The following TAOK3 variants were observed in gnomAD, a reference collection of about 807,000 sequenced individuals.
TAOK3 encodes the protein serine/threonine-protein kinase TAO3.
A neutral mutation model predicts 120.4 loss-of-function variants in TAOK3; 40 were observed. The observed-to-expected ratio is 0.33, with a 90% CI of 0.26 to 0.43. TAOK3 has a LOEUF of 0.43. TAOK3 is among the 20% of genes least tolerant of loss of function. TAOK3 has a pLI of 1.00. For synonymous variants in TAOK3, 355 were observed against 387.5 expected (o/e 0.92, Z 0.99); for missense variants, 821 against 1,112.1 (o/e 0.74, Z 3.72).
intron 1 of TAOK3, among the ~76,000 whole-genome samples, chr12:118,370,857 A>T (rs192622424): frequency 3.9e-5 from 6 of 152,310 alleles, no homozygotes; most frequent in Admixed American, 1.3e-4. Context: ...CCACCAGGAC[A>T]CACAGTGTCT....
intron 1 of TAOK3, chr12:118,283,497 T>A (rs1323140751): frequency 6.6e-6 from 1 of 152,660 alleles, no homozygotes; most frequent in Non-Finnish European, 1.5e-5. Context: ...TTTGGGAGGC[T>A]GAGGTGGGCG....
rs114374955 is a variant in TAOK3, at chr12:118,182,375, C to T, written c.1330-768G>A. ...GCACCAAGATTTCTCACCAACACTA[C>T]TGACAACGAGCCCGATAATTATCTG... On this transcript the variant is annotated intron_variant, in intron 14 of 20. Transcript: ENST00000392533. Among the ~76,000 whole-genome samples, 512 of 151,978 alleles carry T rather than the reference C, an allele frequency of 3.4e-3. 1 individual carries two copies. Among genetic ancestry groups the T allele is most frequent in the African/African-American group, 0.012 (491 of 41,422 alleles).
chr12:118,186,549 A>G (rs1027067784), intron 14 of TAOK3, among the ~76,000 whole-genome samples: 1 of 152,172 alleles, frequency 6.6e-6, no homozygotes, highest in Non-Finnish European at 1.5e-5. Flanking sequence ...AAGGCCCAAG[A>G]AGTCAGATTA....
intron 5 of TAOK3, among the ~76,000 whole-genome samples, chr12:118,240,919 AAT>A (rs1417455374): frequency 6.6e-6 from 1 of 151,406 alleles, no homozygotes; most frequent in Non-Finnish European, 1.5e-5. Context: ...GATAATTTAG[AAT>A]ATGTGATGTC....
chr12:118,360,658 GA>G (rs1225726960), intron 1 of TAOK3, among the ~76,000 whole-genome samples: 1 of 151,996 alleles, frequency 6.6e-6, no homozygotes, highest in Non-Finnish European at 1.5e-5. Flanking sequence ...TAGGCACTAG[GA>G]ATACAATAAT....
intron 19 of TAOK3, chr12:118,152,703 G>C (rs2034539364): frequency 3.2e-6 from 1 of 316,274 alleles, no homozygotes; most frequent in Admixed American, 4.4e-5. Flanking sequence ...TTGAATTACA[G>C]CTACACCATC....
At chr12:118,259,496 T>C (rs1387881854) in intron 2 of TAOK3, among the ~76,000 whole-genome samples, 1 of 152,030 alleles carries the variant, frequency 6.6e-6, no homozygotes, top group Admixed American at 6.6e-5. Flanking sequence ...GTCAAAATCA[T>C]GCCACTGCAC....
intron 14 of TAOK3, among the ~76,000 whole-genome samples, chr12:118,188,974 G>A (rs1245862567): frequency 1.3e-5 from 2 of 152,212 alleles, no homozygotes; most frequent in African/African-American, 4.8e-5. Flanking sequence ...ACGCGTGGGG[G>A]CCGAGGGGAG....
chr12:118,350,465 A>G (rs1047895311), intron 1 of TAOK3, among the ~76,000 whole-genome samples: 1 of 152,212 alleles, frequency 6.6e-6, no homozygotes, highest in African/African-American at 2.4e-5. Flanking sequence ...TAAAGCATGT[A>G]TTGTAATACC....
At chr12:118,308,849 G>C (rs1295001157) in intron 1 of TAOK3, among the ~76,000 whole-genome samples, 1 of 133,844 alleles carries the variant, frequency 7.5e-6, no homozygotes, top group East Asian at 2.5e-4. Flanking sequence ...AGACTCGTTT[G>C]AACCCAGGAG....
At position 118,162,282 on chromosome 12, in the gene TAOK3, A is replaced by G. The variant is rs563606893; in HGVS notation, c.1900-255T>C. Reference sequence around the variant, plus strand: ...CTGTACTCTCTGTAAAATGGGATTAATTCTACCTGACTCTCTCTTACCTCA... The same window carrying G: ...CTGTACTCTCTGTAAAATGGGATTAGTTCTACCTGACTCTCTCTTACCTCA... On this transcript the variant is annotated intron_variant, in intron 17 of 20. Transcript: ENST00000392533. Among the ~76,000 whole-genome samples, 90 of 152,308 alleles carry G rather than the reference A, an allele frequency of 5.9e-4. No homozygotes were observed. The South Asian group carries it at 7.9e-3, about 13-fold the overall frequency.
chr12:118,255,630 T>G lies in TAOK3; in HGVS notation c.-63A>C, dbSNP rs2040948766. The G allele has an allele frequency of 2.6e-6, 4 of 1,521,618 alleles. No individual in the cohort carries two copies. Among genetic ancestry groups the G allele is most frequent in the Non-Finnish European group, 3.5e-6 (4 of 1,131,530 alleles). 94.3% of individuals were successfully genotyped at this position (1,521,618 alleles called of 1,614,324 possible). A position where few individuals can be genotyped will look rare whatever the true frequency, so the allele number is the denominator to read the frequency against. On this transcript the variant is annotated 5_prime_UTR_variant, in exon 3 of 21. Transcript: ENST00000392533. Reference sequence around the variant, plus strand: ...TTAGCTTTATTTCTCATTGACAATTTTTTTTGGGGGGTAAATCTTCAGTAC... The same window carrying G: ...TTAGCTTTATTTCTCATTGACAATTGTTTTTGGGGGGTAAATCTTCAGTAC...
chr12:118,258,036 T>C (rs1228954587), intron 2 of TAOK3, among the ~76,000 whole-genome samples: 1 of 152,186 alleles, frequency 6.6e-6, no homozygotes, highest in Non-Finnish European at 1.5e-5. Flanking sequence ...TATAAGGATA[T>C]TATAGGATGA....
At chr12:118,243,784 G>A (rs2040357102) in intron 4 of TAOK3, among the ~76,000 whole-genome samples, 1 of 152,104 alleles carries the variant, frequency 6.6e-6, no homozygotes, top group African/African-American at 2.4e-5. Flanking sequence ...CAAGGTTCAA[G>A]TGATTCTCGT....
At chr12:118,271,412 G>A (rs76506547) in intron 1 of TAOK3, among the ~76,000 whole-genome samples, 5,095 of 152,158 alleles carry the variant, frequency 0.033, 146 homozygotes, top group Non-Finnish European at 0.051. Context: ...CTTGTTCTGG[G>A]AATTTCATAT....
chr12:118,365,102 A>C (rs1483583452), intron 1 of TAOK3, among the ~76,000 whole-genome samples: 1 of 152,224 alleles, frequency 6.6e-6, no homozygotes, highest in Admixed American at 6.5e-5. Flanking sequence ...AAAGGGGCCA[A>C]AATAGGTGCC....
At chr12:118,180,468 T>G (rs1453508992) in intron 15 of TAOK3, among the ~76,000 whole-genome samples, 2 of 152,108 alleles carry the variant, frequency 1.3e-5, no homozygotes, top group African/African-American at 4.8e-5. Flanking sequence ...CTTGAACTCG[T>G]GGGCTCAAGA....
intron 1 of TAOK3, among the ~76,000 whole-genome samples, chr12:118,367,894 A>G (rs547131149): frequency 3.9e-5 from 6 of 152,230 alleles, no homozygotes; most frequent in Non-Finnish European, 8.8e-5. Context: ...GTTTTCATCT[A>G]TTCCCCTATG....
intron 3 of TAOK3, 83 bp downstream of exon 3, chr12:118,255,365 T>TTAG: frequency 2.0e-6 from 3 of 1,493,092 alleles, no homozygotes; most frequent in Non-Finnish European, 2.7e-6. Context: ...AGTGCTAGGA[T>TTAG]TACAGGCGTG....
Sources: allele counts gnomAD v4.1 joint callset (sites outside exome capture counted in the v4.1 genomes callset), GRCh38; gene constraint gnomAD v4.1.1; transcripts MANE v1.5; gene names NCBI Gene and HGNC (gene_info 2026-07-23, HGNC 2026-07-21).